Variants in CHST12 observed in about 807,000 individuals in gnomAD.
CHST12 encodes the protein carbohydrate sulfotransferase 12, also known as carbohydrate (chondroitin 4) sulfotransferase 12.
Under a neutral mutation model 27.9 loss-of-function variants are expected in CHST12, and 23 were observed. The ratio of observed to expected loss-of-function variants is 0.82; its 90% CI spans 0.59 to 1.17. CHST12 has a LOEUF of 1.17. Ranked by LOEUF, CHST12 falls within the 50% of genes most tolerant of loss-of-function variation. CHST12 has a pLI of 0.00. For missense variants in CHST12, 682 were observed against 603.0 expected (o/e 1.13, Z -1.37); for synonymous variants, 322 against 273.0 (o/e 1.18, Z -1.77).
At chr7:2,413,851 C>A (rs1333543476) in intron 1 of CHST12, among the ~76,000 whole-genome samples, 2 of 151,260 alleles carry the variant, frequency 1.3e-5, no homozygotes, top group Non-Finnish European at 2.9e-5. Context: ...GCCTCAGCCT[C>A]CCGAGTAGCT....
At chr7:2,416,100 A>G (rs1166486731) in intron 1 of CHST12, among the ~76,000 whole-genome samples, 2 of 152,186 alleles carry the variant, frequency 1.3e-5, no homozygotes, top group Non-Finnish European at 2.9e-5. Context: ...AATATTCTAA[A>G]TCTTTTCTGG....
At chr7:2,417,664 AT>A (rs1363543385) in intron 1 of CHST12, among the ~76,000 whole-genome samples, 1 of 152,106 alleles carries the variant, frequency 6.6e-6, no homozygotes, top group Middle Eastern at 3.2e-3. Flanking sequence ...TGCTGTGATT[AT>A]AGGCATGAGC....
At chr7:2,426,681 A>G (rs566964179) in intron 1 of CHST12, among the ~76,000 whole-genome samples, 1 of 152,000 alleles carries the variant, frequency 6.6e-6, no homozygotes, top group Non-Finnish European at 1.5e-5. Flanking sequence ...AAAAAATATA[A>G]CATACAAGAG....
chr7:2,404,797 G>A (rs541416570), intron 1 of CHST12, among the ~76,000 whole-genome samples: 1 of 152,390 alleles, frequency 6.6e-6, no homozygotes, highest in African/African-American at 2.4e-5. Context: ...ACTTTGGGCT[G>A]ACGCTTTGGG....
chr7:2,426,042 TG>T (rs1452140356), intron 1 of CHST12, among the ~76,000 whole-genome samples: 2 of 151,792 alleles, frequency 1.3e-5, no homozygotes, highest in East Asian at 3.9e-4. Context: ...GGGACCTCTT[TG>T]GGGGACCTGC....
At chr7:2,420,936 C>T (rs1781956883) in intron 1 of CHST12, among the ~76,000 whole-genome samples, 1 of 152,184 alleles carries the variant, frequency 6.6e-6, no homozygotes, top group Non-Finnish European at 1.5e-5. Context: ...ACAATCTCAG[C>T]TCACTGCAAC....
chr7:2,433,083 C>T lies in CHST12; in HGVS notation c.444C>T (p.Asp148=), dbSNP rs1481761897. 2 of 1,612,570 alleles carry T rather than the reference C, an allele frequency of 1.2e-6. No homozygotes were observed. Among genetic ancestry groups the T allele is most frequent in the South Asian group, 1.1e-5 (1 of 91,060 alleles). ...CCACCAAGGAGCGCGCATTCGACGA[C>T]ATCCCCAACTCGGAGCTGAGCCACC... ...AFPTKERAFD[D]IPNSELSHLI... is the part of the protein sequence containing the mutation. Residue 148 remains aspartate, a synonymous_variant, in exon 2 of 2, where the codon GAC becomes GAT. Transcript: ENST00000618655. The surrounding 1 kb of genome is among the most constrained non-coding windows in gnomAD (Gnocchi z 6.1).
chr7:2,448,366 C>T lies in CHST12; in HGVS notation c.*14482C>T, dbSNP rs1211549733. ...TTCTTATACCCGTCCGAATCTGCCC[C>T]CTGTTAATGGCACCCACCAGTCCTT... is the stretch of plus-strand genomic sequence containing the variant. On this transcript the variant is annotated 3_prime_UTR_variant, in exon 2 of 2. Transcript: ENST00000618655. 1 of 152,342 alleles carries T rather than the reference C, an allele frequency of 6.6e-6. No individual in the cohort carries two copies. The highest frequency in any genetic ancestry group is 1.5e-5 in the Non-Finnish European group (1 of 68,174). 9.4% of individuals were successfully genotyped at this position (152,342 alleles called of 1,614,324 possible).
chr7:2,416,504 C>T lies in CHST12; in HGVS notation c.-78+12831C>T, dbSNP rs1204204265. On this transcript the variant is annotated intron_variant, in intron 1 of 1. Coordinates refer to ENST00000618655, the MANE Select transcript of CHST12 (RefSeq NM_018641.5). ...GAGGAATCACTATGGCAGCTTTAGCCTTACAAAATGTATTCCTTTAATAAT... is the reference window on the plus strand; with the variant it reads ...GAGGAATCACTATGGCAGCTTTAGCTTTACAAAATGTATTCCTTTAATAAT... Among the ~76,000 whole-genome samples the T allele has an allele frequency of 2.0e-5, 3 of 152,320 alleles. No homozygotes were observed. The East Asian group carries it at 5.8e-4, about 29-fold the overall frequency.
chr7:2,407,746 A>G (rs1781560788), intron 1 of CHST12, among the ~76,000 whole-genome samples: 1 of 152,018 alleles, frequency 6.6e-6, no homozygotes, highest in African/African-American at 2.4e-5. Flanking sequence ...CCTGGCCATC[A>G]TGATGAAACC....
chr7:2,433,984 C>T lies in CHST12; in HGVS notation c.*100C>T. 1.1e-6 allele frequency: 1 copy of T among 887,512 alleles called. No individual in the cohort carries two copies. The highest frequency in any genetic ancestry group is 1.8e-6 in the Non-Finnish European group (1 of 564,688). 55.0% of individuals were successfully genotyped at this position (887,512 alleles called of 1,614,324 possible). ...TTTTGCAATCTGGGCTTCTTGTTCA[C>T]TCCACTGCCTCTATCCATTGAGTAC... On this transcript the variant is annotated 3_prime_UTR_variant, in exon 2 of 2. Transcript: ENST00000618655. The surrounding 1 kb of genome is among the most constrained non-coding windows in gnomAD (Gnocchi z 6.1).
Position 2,442,061 on chromosome 7 carries a change from C to A in CHST12, c.*8177C>A, listed in dbSNP as rs182975498. 6.6e-6 allele frequency: 1 copy of A among 152,196 alleles called. No homozygotes were observed. Among genetic ancestry groups the A allele is most frequent in the African/African-American group, 2.4e-5 (1 of 41,454 alleles). The allele number at this position is 152,196 out of a possible 1,614,324, so 9.4% of individuals were successfully genotyped here. A position where few individuals can be genotyped will look rare whatever the true frequency, so the allele number is the denominator to read the frequency against. On this transcript the variant is annotated 3_prime_UTR_variant, in exon 2 of 2. Transcript: ENST00000618655. Reference sequence around the variant, plus strand: ...TCCCCATTCCCCACTGTGCCGCCCCCCCAAAGCCCCTGGCACCAACCATTC... The same window carrying A: ...TCCCCATTCCCCACTGTGCCGCCCCACCAAAGCCCCTGGCACCAACCATTC...
intron 1 of CHST12, 61 bp from the exon 2 acceptor site, chr7:2,432,502 A>G (rs1782298703): frequency 1.0e-6 from 1 of 1,000,402 alleles, no homozygotes; most frequent in South Asian, 1.7e-5. Context: ...ACTGATCAGA[A>G]GGCAGGAGTC....
chr7:2,426,756 C>T (rs1007416748), intron 1 of CHST12, among the ~76,000 whole-genome samples: 16 of 151,816 alleles, frequency 1.1e-4, no homozygotes, highest in African/African-American at 3.9e-4. Flanking sequence ...CTTTGGAGGC[C>T]GAGGAAGGTG....
At chr7:2,426,864 A>C (rs191938379) in intron 1 of CHST12, among the ~76,000 whole-genome samples, 3 of 152,034 alleles carry the variant, frequency 2.0e-5, no homozygotes, top group Non-Finnish European at 2.9e-5. Context: ...CAGGGTGGGC[A>C]CCTGTAATCC....
intron 1 of CHST12, among the ~76,000 whole-genome samples, chr7:2,411,123 G>A (rs950112807): frequency 4.6e-5 from 7 of 152,042 alleles, no homozygotes; most frequent in African/African-American, 1.7e-4. Flanking sequence ...CATCCAGGCT[G>A]GAGGGCTGGA....
intron 1 of CHST12, among the ~76,000 whole-genome samples, chr7:2,418,848 G>A (rs533239792): frequency 6.6e-6 from 1 of 152,288 alleles, no homozygotes; most frequent in Admixed American, 6.5e-5. Flanking sequence ...CCAGGCTGGA[G>A]TACAACGGCA....
chr7:2,415,428 A>G (rs1781777470), intron 1 of CHST12, among the ~76,000 whole-genome samples: 1 of 152,038 alleles, frequency 6.6e-6, no homozygotes, highest in Non-Finnish European at 1.5e-5. Flanking sequence ...CAATAGCATT[A>G]TGTCTAAGAA....
Position 2,440,651 on chromosome 7 carries a change from G to A in CHST12, c.*6767G>A, listed in dbSNP as rs1174106053. On this transcript the variant is annotated 3_prime_UTR_variant, in exon 2 of 2. Transcript: ENST00000618655. Reference sequence around the variant, plus strand: ...GAGGGTCTACAGGCTGATTTGGGAGGTGGTGGTTTATACCTGTAGTCACCT... The same window carrying A: ...GAGGGTCTACAGGCTGATTTGGGAGATGGTGGTTTATACCTGTAGTCACCT... 3 of 152,160 alleles carry A rather than the reference G, an allele frequency of 2.0e-5. No homozygotes were observed. Among genetic ancestry groups the A allele is most frequent in the Non-Finnish European group, 4.4e-5 (3 of 68,040 alleles). 9.4% of individuals were successfully genotyped at this position (152,160 alleles called of 1,614,324 possible).
Sources: gnomAD v4.1 joint callset for allele counts (sites outside exome capture counted in the v4.1 genomes callset) on GRCh38, gnomAD v4.1.1 for gene constraint, Gnocchi (gnomAD v3.1) non-coding constraint, MANE v1.5 for transcripts, NCBI Gene and HGNC (gene_info 2026-07-23, HGNC 2026-07-21) for gene names.